PPP5C: variants seen among roughly 807,000 people sequenced by gnomAD.
PPP5C encodes the protein serine/threonine-protein phosphatase 5.
In PPP5C, 21 loss-of-function variants were observed where a neutral mutation model predicts 66.7. The observed-to-expected ratio is 0.31, with a 90% CI of 0.22 to 0.45. PPP5C has a LOEUF of 0.45. Among genes scored for constraint, PPP5C ranks in the 20% least tolerant of loss-of-function variants. The pLI is 1.00. For missense variants in PPP5C, 464 were observed against 675.9 expected (o/e 0.69, Z 3.48); for synonymous variants, 246 against 257.4 (o/e 0.96, Z 0.43).
At chr19:46,365,320 G>A (rs957160073) in intron 2 of PPP5C, among the ~76,000 whole-genome samples, 2 of 151,338 alleles carry the variant, frequency 1.3e-5, no homozygotes, top group Non-Finnish European at 3.0e-5. Context: ...GTTTCACGAT[G>A]TTGGCTAGGC....
chr19:46,379,965 G>C (rs1972762312), intron 4 of PPP5C, among the ~76,000 whole-genome samples: 1 of 152,174 alleles, frequency 6.6e-6, no homozygotes, highest in Non-Finnish European at 1.5e-5. Flanking sequence ...ACTTTAACTT[G>C]TCCTATTCTA....
intron 2 of PPP5C, among the ~76,000 whole-genome samples, chr19:46,355,412 G>A (rs576729048): frequency 1.3e-5 from 2 of 152,206 alleles, no homozygotes; most frequent in African/African-American, 2.4e-5. Flanking sequence ...TGAGAAGCAC[G>A]AGTCTGCAGT....
At chr19:46,385,737 G>A (rs1300776295) in intron 7 of PPP5C, among the ~76,000 whole-genome samples, 2 of 150,374 alleles carry the variant, frequency 1.3e-5, no homozygotes, top group Non-Finnish European at 3.0e-5. Context: ...CCGAGATTGC[G>A]CCACTGCACT....
intron 2 of PPP5C, among the ~76,000 whole-genome samples, chr19:46,370,640 G>A (rs1246569545): frequency 6.6e-6 from 1 of 152,196 alleles, no homozygotes; most frequent in Non-Finnish European, 1.5e-5. Context: ...GCTGTCACCA[G>A]GCAATAGGAC....
chr19:46,355,005 T>C (rs1475530358), intron 2 of PPP5C, among the ~76,000 whole-genome samples: 1 of 152,216 alleles, frequency 6.6e-6, no homozygotes, highest in Admixed American at 6.5e-5. Flanking sequence ...GGAGGCTGGC[T>C]GAATCATTAC....
At chr19:46,356,003 C>G (rs1026529513) in intron 2 of PPP5C, among the ~76,000 whole-genome samples, 4 of 152,136 alleles carry the variant, frequency 2.6e-5, no homozygotes, top group Admixed American at 1.3e-4. Context: ...GGGTAAGGAG[C>G]AGGCTTTTCA....
At chr19:46,353,027 A>G (rs1381351746) in intron 1 of PPP5C, among the ~76,000 whole-genome samples, 2 of 152,138 alleles carry the variant, frequency 1.3e-5, no homozygotes, top group Non-Finnish European at 2.9e-5. Flanking sequence ...ACAAGCCTCT[A>G]AGGCTGTTTA....
chr19:46,366,438 T>C (rs1297291165), intron 2 of PPP5C, among the ~76,000 whole-genome samples: 3 of 151,908 alleles, frequency 2.0e-5, no homozygotes, highest in Non-Finnish European at 4.4e-5. Context: ...CTCAAACTCC[T>C]GGGCTCAAGT....
chr19:46,358,961 C>T (rs1040098540), intron 2 of PPP5C, among the ~76,000 whole-genome samples: 4 of 152,148 alleles, frequency 2.6e-5, no homozygotes, highest in African/African-American at 7.2e-5. Context: ...TCCCTCATTC[C>T]AGTTCCTCTC....
chr19:46,367,018 C>T (rs1046647898), intron 2 of PPP5C, among the ~76,000 whole-genome samples: 19 of 152,184 alleles, frequency 1.2e-4, no homozygotes, highest in Non-Finnish European at 2.5e-4. Flanking sequence ...CTAGCACATG[C>T]CTCCTCTTAG....
chr19:46,353,071 A>G (rs897583879), intron 1 of PPP5C, among the ~76,000 whole-genome samples: 1 of 152,142 alleles, frequency 6.6e-6, no homozygotes, highest in African/African-American at 2.4e-5. Flanking sequence ...AATGGGCACG[A>G]GGGAGGGATC....
In PPP5C at chr19:46,383,945, G is replaced by C; in HGVS notation, c.798+67G>C. Reference sequence around the variant, plus strand: ...CCAGCCGCAGCCTCAGGTCTGCACAGAGTGGGAGGAGCCCTTGCCAGGAAA... The same window carrying C: ...CCAGCCGCAGCCTCAGGTCTGCACACAGTGGGAGGAGCCCTTGCCAGGAAA... On this transcript the variant is annotated intron_variant, in intron 6 of 12. Coordinates refer to ENST00000012443, the MANE Select transcript of PPP5C (RefSeq NM_006247.4). This position sits in a 1 kb window ranked among gnomAD's most constrained non-coding sequence, Gnocchi z 5.0. 3.2e-6 allele frequency: 4 copies of C among 1,267,468 alleles called. No homozygotes were observed. The highest frequency in any genetic ancestry group is 4.6e-6 in the Non-Finnish European group (4 of 872,826). 78.5% of individuals were successfully genotyped at this position (1,267,468 alleles called of 1,614,324 possible).
At position 46,383,520 on chromosome 19, in the gene PPP5C, C is replaced by A. The variant is rs779114061; in HGVS notation, c.699+44C>A. 1 of 1,535,008 alleles carries A rather than the reference C, an allele frequency of 6.5e-7. No homozygotes were observed. On this transcript the variant is annotated intron_variant, in intron 5 of 12. Coordinates refer to ENST00000012443, the MANE Select transcript of PPP5C (RefSeq NM_006247.4). The surrounding 1 kb of genome is among the most constrained non-coding windows in gnomAD (Gnocchi z 5.0). ...TGCGGGGAGGGCCAGCGGGGGTGGG[C>A]TCTCTGGCTGGGGAGGGGCCACAGA...
intron 2 of PPP5C, among the ~76,000 whole-genome samples, chr19:46,356,940 A>G (rs1268623461): frequency 1.3e-5 from 2 of 152,178 alleles, no homozygotes; most frequent in African/African-American, 4.8e-5. Context: ...CAGATTGGGT[A>G]GCAGCTGCAT....
intron 2 of PPP5C, among the ~76,000 whole-genome samples, chr19:46,357,724 T>G (rs1403830857): frequency 2.0e-5 from 3 of 152,208 alleles, no homozygotes; most frequent in Non-Finnish European, 4.4e-5. Flanking sequence ...CAGCTTATTA[T>G]AAAGGCTGCT....
chr19:46,382,685 C>A, intron 4 of PPP5C: 1 of 550,982 alleles, frequency 1.8e-6, no homozygotes, highest in Non-Finnish European at 2.3e-6. Flanking sequence ...AAGTAAGTTG[C>A]AGCCATCATA....
chr19:46,383,748 C>G lies in PPP5C; in HGVS notation c.700-32C>G. On this transcript the variant is annotated intron_variant, in intron 5 of 12. Transcript: ENST00000012443. This position sits in a 1 kb window ranked among gnomAD's most constrained non-coding sequence, Gnocchi z 5.0. ...CCCCTCCCCACGTCTCTCTCTCGGC[C>G]CGTCCCTCTCCGGTGGCCTCTTTTC... The G allele has an allele frequency of 3.9e-6, 6 of 1,532,466 alleles. No homozygotes were observed. The highest frequency in any genetic ancestry group is 1.4e-5 in the African/African-American group (1 of 73,078). 94.9% of individuals were successfully genotyped at this position (1,532,466 alleles called of 1,614,324 possible).
chr19:46,365,824 C>T (rs1322549504), intron 2 of PPP5C, among the ~76,000 whole-genome samples: 1 of 152,136 alleles, frequency 6.6e-6, no homozygotes, highest in Non-Finnish European at 1.5e-5. Context: ...GAAGCAGCTG[C>T]AATTTAAAAA....
At chr19:46,370,898 G>A (rs566147731) in intron 2 of PPP5C, among the ~76,000 whole-genome samples, 1 of 152,202 alleles carries the variant, frequency 6.6e-6, no homozygotes, top group Non-Finnish European at 1.5e-5. Context: ...CCGCCACTGC[G>A]TCCAGCTAAT....
Sources: allele counts gnomAD v4.1 joint callset (sites outside exome capture counted in the v4.1 genomes callset), GRCh38; gene constraint gnomAD v4.1.1; non-coding constraint Gnocchi (gnomAD v3.1); transcripts MANE v1.5; gene names NCBI Gene and HGNC (gene_info 2026-07-23, HGNC 2026-07-21).